The following NPFFR2 variants were observed in gnomAD, a reference collection of about 807,000 sequenced individuals.
NPFFR2 encodes the protein G-protein coupled receptor 74.
A neutral mutation model predicts 13.1 loss-of-function variants in NPFFR2; 15 were observed. The observed-to-expected ratio is 1.15, with a 90% CI of 0.77 to 1.76. NPFFR2 has a LOEUF of 1.76. Among genes scored for constraint, NPFFR2 ranks in the 40% most tolerant of loss-of-function variants. The pLI is 0.00. For missense variants in NPFFR2, 572 were observed against 503.5 expected (o/e 1.14, Z -1.30); for synonymous variants, 190 against 175.7 (o/e 1.08, Z -0.65).
At chr4:72,033,929 G>A (rs11946518) in intron 1 of NPFFR2, among the ~76,000 whole-genome samples, 1 of 152,130 alleles carries the variant, frequency 6.6e-6, no homozygotes, top group Non-Finnish European at 1.5e-5. Flanking sequence ...ATGTGTGTGA[G>A]TGAGTGTGAT....
intron 1 of NPFFR2, among the ~76,000 whole-genome samples, chr4:72,111,342 G>T (rs1721561575): frequency 6.6e-6 from 1 of 152,004 alleles, no homozygotes; most frequent in Non-Finnish European, 1.5e-5. Context: ...GTACCTGGCT[G>T]TTCCTGGAAA....
chr4:72,115,510 T>A (rs4337703), intron 1 of NPFFR2, among the ~76,000 whole-genome samples: 95,967 of 152,004 alleles, frequency 0.63, 30,697 homozygotes, highest in Middle Eastern at 0.8. Context: ...AGCATGTGTG[T>A]CCTTGGTCTT....
chr4:72,138,325 A>T (rs1051632488), intron 3 of NPFFR2, among the ~76,000 whole-genome samples, 186 bp downstream of exon 3: 1 of 152,180 alleles, frequency 6.6e-6, no homozygotes, highest in Non-Finnish European at 1.5e-5. Context: ...GGTTTCTTCC[A>T]TATGTATACA....
Position 72,041,798 on chromosome 4 carries a change from T to C in NPFFR2, c.-8+9598T>C, listed in dbSNP as rs115273914. ...TGTTGACTGCTCGTATGTCTTCTCT[T>C]GACAAGCATCTACTCATGTCCTATG... On this transcript the variant is annotated intron_variant, in intron 1 of 3. Transcript: ENST00000308744. 3.0e-3 allele frequency among the ~76,000 whole-genome samples: 452 copies of C among 152,340 alleles called. 2 individuals carry two copies. The highest frequency in any genetic ancestry group is 0.011 in the African/African-American group (444 of 41,582).
chr4:72,135,852 A>G (rs1046541429), intron 2 of NPFFR2, among the ~76,000 whole-genome samples: 1 of 151,494 alleles, frequency 6.6e-6, no homozygotes, highest in African/African-American at 2.4e-5. Flanking sequence ...ACATATGTGT[A>G]TATTTATGGG....
intron 2 of NPFFR2, among the ~76,000 whole-genome samples, chr4:72,131,635 A>C (rs1181601799): frequency 2.0e-5 from 3 of 152,042 alleles, no homozygotes; most frequent in Admixed American, 1.3e-4. Flanking sequence ...TTAACATTAT[A>C]ACATTATATA....
intron 1 of NPFFR2, among the ~76,000 whole-genome samples, chr4:72,100,799 G>T (rs1285511562): frequency 6.6e-6 from 1 of 152,086 alleles, no homozygotes; most frequent in Non-Finnish European, 1.5e-5. Flanking sequence ...ACATCACAGA[G>T]CAGAGAATTA....
intron 1 of NPFFR2, among the ~76,000 whole-genome samples, chr4:72,044,394 G>T (rs1719319757): frequency 6.6e-6 from 1 of 152,104 alleles, no homozygotes; most frequent in Non-Finnish European, 1.5e-5. Flanking sequence ...AGCAGTAAGG[G>T]TCTAATTTCA....
intron 1 of NPFFR2, among the ~76,000 whole-genome samples, chr4:72,116,531 T>C (rs1029734533): frequency 3.3e-5 from 5 of 151,902 alleles, no homozygotes; most frequent in African/African-American, 1.2e-4. Context: ...AATATACCCA[T>C]GCAACAAATC....
At chr4:72,137,229 T>C (rs1196625711) in intron 2 of NPFFR2, among the ~76,000 whole-genome samples, 1 of 152,072 alleles carries the variant, frequency 6.6e-6, no homozygotes, top group Non-Finnish European at 1.5e-5. Context: ...TTTCAGAAAA[T>C]AAATTGCAGA....
At chr4:72,115,732 C>A (rs989683731) in intron 1 of NPFFR2, among the ~76,000 whole-genome samples, 18 of 152,238 alleles carry the variant, frequency 1.2e-4, no homozygotes, top group Middle Eastern at 3.4e-3. Context: ...CTTTATTCAA[C>A]CTTAACAGCC....
At chr4:72,129,012 T>TCA (rs377318177) in intron 2 of NPFFR2, 93 bp downstream of exon 2, 53 of 980,346 alleles carry the variant, frequency 5.4e-5, no homozygotes, top group African/African-American at 5.2e-4. Context: ...ATTCATTTAT[T>TCA]TACATATATT....
chr4:72,091,244 G>A (rs989856835), intron 1 of NPFFR2, among the ~76,000 whole-genome samples: 15 of 151,952 alleles, frequency 9.9e-5, no homozygotes, highest in African/African-American at 2.9e-4. Context: ...CTAGTATTTC[G>A]TTGAGGATTT....
intron 1 of NPFFR2, among the ~76,000 whole-genome samples, chr4:72,041,010 T>C (rs1226249395): frequency 6.6e-6 from 1 of 151,882 alleles, no homozygotes; most frequent in Non-Finnish European, 1.5e-5. Flanking sequence ...TTTTAACTTA[T>C]TTTATATTCA....
At chr4:72,112,528 T>TGG (rs1721592415) in intron 1 of NPFFR2, among the ~76,000 whole-genome samples, 1 of 152,016 alleles carries the variant, frequency 6.6e-6, no homozygotes, top group African/African-American at 2.4e-5. Flanking sequence ...TCCCATTACA[T>TGG]AAGGAGAACA....
intron 1 of NPFFR2, among the ~76,000 whole-genome samples, chr4:72,101,728 A>C (rs1721256944): frequency 6.6e-6 from 1 of 152,076 alleles, no homozygotes; most frequent in Non-Finnish European, 1.5e-5. Context: ...GCAAAGGAGT[A>C]GAAAACCATA....
chr4:72,051,173 C>A (rs904210814), intron 1 of NPFFR2, among the ~76,000 whole-genome samples: 1 of 151,716 alleles, frequency 6.6e-6, no homozygotes, highest in East Asian at 2.0e-4. Flanking sequence ...TTCTAGATCC[C>A]TGAGGAGTTG....
At chr4:72,131,731 T>C (rs1722248926) in intron 2 of NPFFR2, among the ~76,000 whole-genome samples, 2 of 152,112 alleles carry the variant, frequency 1.3e-5, no homozygotes, top group Admixed American at 1.3e-4. Flanking sequence ...TACTAAAAGA[T>C]TATAAAAAAG....
intron 1 of NPFFR2, among the ~76,000 whole-genome samples, chr4:72,064,841 A>G (rs79659191): frequency 0.053 from 8,057 of 152,252 alleles, 781 homozygotes; most frequent in East Asian, 0.47. Context: ...GGGCTAAACA[A>G]TGCTAACAAT....
Sources: allele counts gnomAD v4.1 joint callset (sites outside exome capture counted in the v4.1 genomes callset), GRCh38; gene constraint gnomAD v4.1.1; transcripts MANE v1.5; gene names NCBI Gene and HGNC (gene_info 2026-07-23, HGNC 2026-07-21).